MAGI2: variants seen among roughly 807,000 people sequenced by gnomAD.
The protein encoded by MAGI2 is membrane associated guanylate kinase, WW and PDZ domain containing 2.
Under a neutral mutation model 133.3 loss-of-function variants are expected in MAGI2, and 35 were observed. The ratio of observed to expected loss-of-function variants is 0.26; its 90% confidence interval spans 0.20 to 0.35. The LOEUF is 0.35. Among genes scored for constraint, MAGI2 ranks in the 10% least tolerant of loss-of-function variants. The pLI is 1.00. For missense variants in MAGI2, 1,636 were observed against 1,863.4 expected (o/e 0.88, Z 2.25); for synonymous variants, 729 against 710.6 (o/e 1.03, Z -0.41).
At chr7:79,382,021 G>T (rs551772357) in intron 1 of MAGI2, among the ~76,000 whole-genome samples, 89 of 151,722 alleles carry the variant, frequency 5.9e-4, no homozygotes, top group South Asian at 2.7e-3. Context: ...TCCTGATACT[G>T]CTGGGGAATA....
At chr7:78,301,117 G>A (rs1797783266) in intron 9 of MAGI2, among the ~76,000 whole-genome samples, 1 of 152,268 alleles carries the variant, frequency 6.6e-6, no homozygotes, top group Non-Finnish European at 1.5e-5. Flanking sequence ...CAGGGACCAA[G>A]CATTTAATGA....
At chr7:78,030,349 C>T (rs953176740) in intron 21 of MAGI2, among the ~76,000 whole-genome samples, 3 of 152,156 alleles carry the variant, frequency 2.0e-5, no homozygotes, top group Admixed American at 6.5e-5. Flanking sequence ...CTGTAACCTC[C>T]TGGTTCAAGC....
chr7:79,397,834 T>C (rs945039303), intron 1 of MAGI2, among the ~76,000 whole-genome samples: 2 of 152,170 alleles, frequency 1.3e-5, no homozygotes, highest in South Asian at 2.1e-4. Flanking sequence ...GTATATTAAA[T>C]GAATTAGCTT....
intron 1 of MAGI2, among the ~76,000 whole-genome samples, chr7:79,058,227 A>AT (rs994225837): frequency 2.0e-5 from 3 of 152,036 alleles, no homozygotes; most frequent in South Asian, 4.1e-4. Flanking sequence ...CATTAGTTCA[A>AT]TTTTTTTCTA....
At chr7:78,436,247 T>G (rs992395521) in intron 6 of MAGI2, among the ~76,000 whole-genome samples, 3 of 152,078 alleles carry the variant, frequency 2.0e-5, no homozygotes, top group African/African-American at 7.2e-5. Context: ...TTCCTGCCAG[T>G]GAGACAATAG....
intron 2 of MAGI2, among the ~76,000 whole-genome samples, chr7:78,909,574 G>A (rs1798249138): frequency 1.5e-5 from 2 of 131,270 alleles, no homozygotes; most frequent in Non-Finnish European, 3.1e-5. Flanking sequence ...CTGCACTCCA[G>A]CCTGGGCTAC....
chr7:78,184,394 T>C (rs1024824204), intron 13 of MAGI2: 1 of 152,206 alleles, frequency 6.6e-6, no homozygotes, highest in Non-Finnish European at 1.5e-5. Context: ...CCATATTTTC[T>C]ACATATCCCC....
chr7:79,375,218 C>A (rs1843303414), intron 1 of MAGI2, among the ~76,000 whole-genome samples: 1 of 152,064 alleles, frequency 6.6e-6, no homozygotes, highest in Non-Finnish European at 1.5e-5. Flanking sequence ...AGTATAATTT[C>A]ATTCTGTATG....
At chr7:79,443,573 C>T (rs1393140095) in intron 1 of MAGI2, among the ~76,000 whole-genome samples, 3 of 152,092 alleles carry the variant, frequency 2.0e-5, no homozygotes, top group Admixed American at 2.0e-4. Flanking sequence ...TTATTATCCT[C>T]CACATAGCAA....
intron 2 of MAGI2, among the ~76,000 whole-genome samples, chr7:78,746,479 G>C (rs1822938880): frequency 6.6e-6 from 1 of 152,108 alleles, no homozygotes; most frequent in African/African-American, 2.4e-5. Context: ...TTTCTGCCTG[G>C]ATCATGCTCT....
chr7:79,401,232 T>G (rs1325329795), intron 1 of MAGI2, among the ~76,000 whole-genome samples: 1 of 152,188 alleles, frequency 6.6e-6, no homozygotes, highest in Non-Finnish European at 1.5e-5. Context: ...ACATGCAATC[T>G]TTTCCATTTG....
At chr7:78,908,368 C>T (rs1798139421) in intron 2 of MAGI2, among the ~76,000 whole-genome samples, 1 of 152,292 alleles carries the variant, frequency 6.6e-6, no homozygotes, top group Non-Finnish European at 1.5e-5. Flanking sequence ...TTTGTTGACA[C>T]AGTTGACAGT....
intron 2 of MAGI2, among the ~76,000 whole-genome samples, chr7:78,828,354 T>G (rs1322760049): frequency 6.6e-6 from 1 of 152,218 alleles, no homozygotes; most frequent in Non-Finnish European, 1.5e-5. Context: ...GCATGTCTTT[T>G]GGATCTGATG....
At chr7:78,369,073 A>G (rs1793669758) in intron 7 of MAGI2, 83 bp downstream of exon 7, 2 of 953,438 alleles carry the variant, frequency 2.1e-6, no homozygotes, top group East Asian at 2.6e-5. Context: ...AGGGGCTGTG[A>G]GCCACACATG....
chr7:78,461,362 A>G (rs1369347735), intron 6 of MAGI2, among the ~76,000 whole-genome samples: 1 of 149,442 alleles, frequency 6.7e-6, no homozygotes, highest in Non-Finnish European at 1.5e-5. Flanking sequence ...AAATACAAAA[A>G]AGAAAATAGA....
chr7:78,441,730 C>T (rs1197809551), intron 6 of MAGI2, among the ~76,000 whole-genome samples: 1 of 152,020 alleles, frequency 6.6e-6, no homozygotes, highest in Non-Finnish European at 1.5e-5. Flanking sequence ...AGCATCCCAC[C>T]TACACAAGAC....
intron 2 of MAGI2, among the ~76,000 whole-genome samples, chr7:78,834,100 C>G (rs1437193616): frequency 6.7e-6 from 1 of 149,732 alleles, no homozygotes; most frequent in African/African-American, 2.5e-5. Context: ...TTGTATATCC[C>G]TTATTTTAAA....
intron 2 of MAGI2, among the ~76,000 whole-genome samples, chr7:78,786,100 C>T (rs1463462962): frequency 6.6e-6 from 1 of 151,878 alleles, no homozygotes; most frequent in African/African-American, 2.4e-5. Context: ...ATAGATTCTT[C>T]CCTCTCTGTT....
chr7:78,767,978 C>G (rs1825198837), intron 2 of MAGI2, among the ~76,000 whole-genome samples: 1 of 152,164 alleles, frequency 6.6e-6, no homozygotes, highest in Admixed American at 6.5e-5. Flanking sequence ...TCTCATTTCT[C>G]CCTTGATGGT....
Sources: gnomAD v4.1 joint callset for allele counts (sites outside exome capture counted in the v4.1 genomes callset) on GRCh38, gnomAD v4.1.1 for gene constraint, MANE v1.5 for transcripts, NCBI Gene and HGNC (gene_info 2026-07-23, HGNC 2026-07-21) for gene names.